PHEX: variants seen among roughly 807,000 people sequenced by gnomAD.
PHEX encodes the protein phosphate regulating endopeptidase X-linked.
PHEX carries 16 observed loss-of-function variants against 68.0 expected under a neutral mutation model. The observed-to-expected ratio is 0.24, with a 90% CI of 0.16 to 0.36. The LOEUF (loss-of-function observed/expected upper bound fraction) is 0.36, where lower values mean the gene tolerates loss of function less well. PHEX is among the 10% of genes least tolerant of loss of function. The pLI, the probability that PHEX is intolerant of heterozygous loss-of-function variation, is 1.00. For synonymous variants in PHEX, 208 were observed against 205.1 expected (o/e 1.01, Z -0.12); for missense variants, 480 against 575.5 (o/e 0.83, Z 1.70).
At chrX:22,223,570 C>T (rs1240607058) in intron 18 of PHEX, among the ~76,000 whole-genome samples, 1 of 111,800 alleles carries the variant, frequency 8.9e-6, no homozygotes, top group Non-Finnish European at 1.9e-5. Flanking sequence ...CATACGGAGA[C>T]CCTGTCTCTA....
chrX:22,036,052 A>T lies in PHEX; in HGVS notation c.119-2417A>T, dbSNP rs867884481. ...CACACGTACATATATATATATATAT[A>T]TATTTTTTTTTTTTTTTTTTTTTTT... On this transcript the variant is annotated intron_variant, in intron 1 of 21. Transcript: ENST00000379374. Among the ~76,000 whole-genome samples, 322 of 58,358 alleles carry T rather than the reference A, an allele frequency of 5.5e-3. 11 individuals are homozygous for T. The highest frequency in any genetic ancestry group is 0.023 in the African/African-American group (279 of 12,179). 50.7% of individuals were successfully genotyped at this position (58,358 alleles called of 115,157 possible).
rs754366354 is a variant in PHEX, at chrX:22,191,608, GC to G, written c.1645+1110del. ...TCTTGTTAGAAATGCAAATTCCCAG[GC>G]CCCACCTTAGGTCTATTGATCAAAC... On this transcript the variant is annotated intron_variant, in intron 15 of 21. Coordinates refer to ENST00000379374, the MANE Select transcript of PHEX (RefSeq NM_000444.6). 5.6e-3 allele frequency among the ~76,000 whole-genome samples: 621 copies of G among 111,841 alleles called. 6 individuals carry two copies. Among genetic ancestry groups the G allele is most frequent in the African/African-American group, 0.019 (588 of 30,775 alleles).
chrX:22,183,570 T>A (rs1362971846), intron 14 of PHEX, among the ~76,000 whole-genome samples: 1 of 112,047 alleles, frequency 8.9e-6, no homozygotes, highest in Admixed American at 9.5e-5. Context: ...AGTTTTAGAT[T>A]TAGGCTTCTT....
At chrX:22,049,227 C>G (rs572441744) in intron 3 of PHEX, among the ~76,000 whole-genome samples, 1 of 111,410 alleles carries the variant, frequency 9.0e-6, no homozygotes, top group Non-Finnish European at 1.9e-5. Context: ...ATTCTCCTGC[C>G]TCAGCCTCCC....
At chrX:22,179,425 C>T (rs777891113) in intron 14 of PHEX, among the ~76,000 whole-genome samples, 7 of 111,224 alleles carry the variant, frequency 6.3e-5, no homozygotes, top group African/African-American at 9.8e-5. Flanking sequence ...ACCCATCACA[C>T]GAGCAGTGTA....
intron 6 of PHEX, among the ~76,000 whole-genome samples, chrX:22,092,572 C>T (rs1438073174): frequency 9.1e-6 from 1 of 109,542 alleles, no homozygotes; most frequent in Non-Finnish European, 1.9e-5. Flanking sequence ...AGGGTTTCAC[C>T]ATGTTGGCCA....
chrX:22,242,678 A>T (rs1936261024), intron 20 of PHEX, among the ~76,000 whole-genome samples: 1 of 111,690 alleles, frequency 9.0e-6, no homozygotes. Context: ...CCCATTCACA[A>T]TTGCCACTAA....
At chrX:22,220,082 C>T (rs1335371955) in intron 17 of PHEX, among the ~76,000 whole-genome samples, 1 of 111,971 alleles carries the variant, frequency 8.9e-6, no homozygotes, top group East Asian at 2.8e-4. Context: ...CTCTTTTCTC[C>T]TTTAACTTTG....
At chrX:22,138,824 C>T (rs938505064) in intron 12 of PHEX, among the ~76,000 whole-genome samples, 3 of 112,261 alleles carry the variant, frequency 2.7e-5, no homozygotes, top group Admixed American at 9.4e-5. Flanking sequence ...CTCCAGGGCT[C>T]ACCAGGGACA....
chrX:22,045,007 A>AT (rs1927460356), intron 2 of PHEX, among the ~76,000 whole-genome samples: 1 of 107,092 alleles, frequency 9.3e-6, no homozygotes, highest in Admixed American at 1.0e-4. Context: ...TTCTAAACCA[A>AT]TTTTTTGCTA....
At chrX:22,204,937 C>T (rs1934664667) in intron 15 of PHEX, among the ~76,000 whole-genome samples, 1 of 111,149 alleles carries the variant, frequency 9.0e-6, no homozygotes, top group Non-Finnish European at 1.9e-5. Flanking sequence ...ATAACTGTCA[C>T]AACTTGTACT....
intron 2 of PHEX, among the ~76,000 whole-genome samples, chrX:22,044,732 A>AGAT (rs1265818340): frequency 0.042 from 2,835 of 66,963 alleles, 99 homozygotes; most frequent in African/African-American, 0.14. Context: ...ATAAATAAAT[A>AGAT]AATAAATAAT....
At chrX:22,209,940 TAAA>T (rs200608326) in intron 15 of PHEX, among the ~76,000 whole-genome samples, 2 of 91,200 alleles carry the variant, frequency 2.2e-5, no homozygotes, top group Admixed American at 1.2e-4. Flanking sequence ...GTTGAAATGG[TAAA>T]AAAAAAAAAA....
At chrX:22,202,021 A>T (rs1417303606) in intron 15 of PHEX, among the ~76,000 whole-genome samples, 1 of 112,285 alleles carries the variant, frequency 8.9e-6, no homozygotes, top group Non-Finnish European at 1.9e-5. Context: ...TAGAAAATCT[A>T]GAAAAATTTT....
At chrX:22,098,264 A>G (rs1319811342) in intron 8 of PHEX, among the ~76,000 whole-genome samples, 1 of 107,895 alleles carries the variant, frequency 9.3e-6, no homozygotes, top group Non-Finnish European at 1.9e-5. Flanking sequence ...AGAGAAATGC[A>G]GGAGAGAAGG....
At chrX:22,108,754 C>G (rs1218615236) in intron 9 of PHEX, among the ~76,000 whole-genome samples, 9 of 110,591 alleles carry the variant, frequency 8.1e-5, no homozygotes, top group African/African-American at 2.6e-4. Context: ...CCAGCCTGAC[C>G]AACATGGTGA....
intron 21 of PHEX, among the ~76,000 whole-genome samples, chrX:22,246,390 A>G (rs775891332): frequency 8.9e-6 from 1 of 112,076 alleles, no homozygotes; most frequent in South Asian, 3.7e-4. Flanking sequence ...AATTTCTTCT[A>G]TATGTTAAAA....
At chrX:22,219,271 T>C (rs940697657) in intron 17 of PHEX, among the ~76,000 whole-genome samples, 168 bp downstream of exon 17, 1 of 112,906 alleles carries the variant, frequency 8.9e-6, no homozygotes, top group Non-Finnish European at 1.9e-5. Context: ...CTGTGATGGC[T>C]TGCAATAAGT....
chrX:22,201,730 C>T (rs1424826838), intron 15 of PHEX, among the ~76,000 whole-genome samples: 2 of 111,657 alleles, frequency 1.8e-5, no homozygotes, highest in African/African-American at 6.5e-5. Context: ...CAGGGTATTT[C>T]TAAATGCTGT....
Sources: allele counts gnomAD v4.1 joint callset (sites outside exome capture counted in the v4.1 genomes callset), GRCh38; gene constraint gnomAD v4.1.1; transcripts MANE v1.5; gene names NCBI Gene and HGNC (gene_info 2026-07-23, HGNC 2026-07-21).